Variants in NLGN1 observed in about 807,000 individuals in gnomAD.
NLGN1 encodes the protein neuroligin-1.
A neutral mutation model predicts 65.5 loss-of-function variants in NLGN1; 12 were observed. That is an observed-to-expected ratio of 0.18 (90% CI 0.12 to 0.30). NLGN1 has a LOEUF of 0.30. Among genes scored for constraint, NLGN1 ranks in the 10% least tolerant of loss-of-function variants. The pLI is 1.00. For missense variants in NLGN1, 750 were observed against 1,007.1 expected (o/e 0.74, Z 3.46); for synonymous variants, 350 against 359.5 (o/e 0.97, Z 0.30).
intron 4 of NLGN1, among the ~76,000 whole-genome samples, chr3:174,100,003 C>A (rs571634111): frequency 6.6e-6 from 1 of 152,028 alleles, no homozygotes; most frequent in South Asian, 2.1e-4. Flanking sequence ...TGACCCTTGG[C>A]GGCTTGTTGA....
At chr3:173,793,419 C>G (rs1354267077) in intron 3 of NLGN1, among the ~76,000 whole-genome samples, 3 of 151,988 alleles carry the variant, frequency 2.0e-5, no homozygotes, top group Admixed American at 6.6e-5. Context: ...AAAGCAAGAC[C>G]TATGCTGGAG....
At chr3:173,991,328 A>T (rs1019787903) in intron 4 of NLGN1, among the ~76,000 whole-genome samples, 1 of 152,292 alleles carries the variant, frequency 6.6e-6, no homozygotes, top group South Asian at 2.1e-4. Flanking sequence ...TATGACTTTT[A>T]TACCTTTTAG....
chr3:173,567,882 A>G (rs1361067046), intron 2 of NLGN1, among the ~76,000 whole-genome samples: 1 of 152,112 alleles, frequency 6.6e-6, no homozygotes, highest in Non-Finnish European at 1.5e-5. Flanking sequence ...GAAATCTCTT[A>G]TTGAACATCA....
At chr3:174,069,829 C>T (rs1043633569) in intron 4 of NLGN1, among the ~76,000 whole-genome samples, 6 of 152,160 alleles carry the variant, frequency 3.9e-5, no homozygotes, top group Admixed American at 2.0e-4. Context: ...AGCATAGGCT[C>T]GGAGTCAGAA....
At chr3:173,469,658 T>G (rs988454170) in intron 2 of NLGN1, among the ~76,000 whole-genome samples, 1 of 151,498 alleles carries the variant, frequency 6.6e-6, no homozygotes, top group African/African-American at 2.4e-5. Context: ...AAAAAATGCA[T>G]TCACAATGGT....
At chr3:173,590,570 A>G (rs1748310472) in intron 2 of NLGN1, among the ~76,000 whole-genome samples, 1 of 152,168 alleles carries the variant, frequency 6.6e-6, no homozygotes, top group South Asian at 2.1e-4. Flanking sequence ...AGTACCTGGT[A>G]CATAACTGGA....
chr3:173,767,597 G>A (rs1468113103), intron 3 of NLGN1, among the ~76,000 whole-genome samples: 1 of 151,928 alleles, frequency 6.6e-6, no homozygotes, highest in South Asian at 2.1e-4. Context: ...CACGACAAAT[G>A]TATTCTTTGG....
At chr3:174,121,650 A>T (rs1204896564) in intron 4 of NLGN1, among the ~76,000 whole-genome samples, 1 of 152,210 alleles carries the variant, frequency 6.6e-6, no homozygotes, top group Non-Finnish European at 1.5e-5. Flanking sequence ...TCACTTCTGG[A>T]TGCTTGAATA....
intron 1 of NLGN1, among the ~76,000 whole-genome samples, chr3:173,400,475 A>C (rs1161669700): frequency 6.6e-6 from 1 of 152,086 alleles, no homozygotes; most frequent in African/African-American, 2.4e-5. Context: ...ATTTTCCCCA[A>C]CACTACATAC....
chr3:173,528,679 T>C (rs1736054071), intron 2 of NLGN1, among the ~76,000 whole-genome samples: 1 of 152,228 alleles, frequency 6.6e-6, no homozygotes, highest in African/African-American at 2.4e-5. Context: ...TGGGTTAATT[T>C]GAAAGACCAA....
chr3:173,660,069 TGTG>T (rs1164089793), intron 3 of NLGN1, among the ~76,000 whole-genome samples: 3 of 150,216 alleles, frequency 2.0e-5, no homozygotes, highest in Non-Finnish European at 3.0e-5. Flanking sequence ...TGAGAGAAAA[TGTG>T]GTACATGTTC....
At position 174,281,616 on chromosome 3, in the gene NLGN1, T is replaced by A. The variant is rs1751548614; in HGVS notation, c.*313T>A. 1.2e-5 allele frequency: 3 copies of A among 248,524 alleles called. No individual in the cohort carries two copies. In the East Asian group the frequency reaches 2.4e-4, roughly 19 times the overall value. The allele number at this position is 248,524 out of a possible 1,614,324, so 15.4% of individuals were successfully genotyped here. On this transcript the variant is annotated 3_prime_UTR_variant, in exon 7 of 7. Transcript: ENST00000457714. ...TGGAACACCAAACAGGAAAGAACTA[T>A]GTCTGAAATATAAAAAATAAAAATA...
intron 3 of NLGN1, among the ~76,000 whole-genome samples, chr3:173,782,960 T>C (rs559929341): frequency 1.3e-5 from 2 of 151,936 alleles, no homozygotes; most frequent in South Asian, 4.2e-4. Context: ...AAAAAAGTAA[T>C]GTGCAAAACA....
chr3:173,502,573 A>C (rs1276944001), intron 2 of NLGN1, among the ~76,000 whole-genome samples: 1 of 152,134 alleles, frequency 6.6e-6, no homozygotes, highest in Non-Finnish European at 1.5e-5. Context: ...ATGTGTGTGC[A>C]CGTATGTGTG....
At chr3:173,946,944 A>C (rs1171174658) in intron 4 of NLGN1, among the ~76,000 whole-genome samples, 1 of 152,296 alleles carries the variant, frequency 6.6e-6, no homozygotes, top group East Asian at 1.9e-4. Flanking sequence ...GGTCCTCCAC[A>C]ATGCTTCACC....
intron 4 of NLGN1, among the ~76,000 whole-genome samples, chr3:173,833,455 A>AG (rs1722990452): frequency 6.6e-6 from 1 of 152,016 alleles, no homozygotes; most frequent in South Asian, 2.1e-4. Flanking sequence ...AAAAAAAATT[A>AG]GTTTTTTTTG....
At chr3:173,837,140 T>A (rs568891776) in intron 4 of NLGN1, among the ~76,000 whole-genome samples, 1 of 152,176 alleles carries the variant, frequency 6.6e-6, no homozygotes, top group African/African-American at 2.4e-5. Context: ...AATTTTCTTC[T>A]TTTTCCCCAA....
chr3:173,935,618 ACACACTCTCTCT>A (rs1278248353), intron 4 of NLGN1, among the ~76,000 whole-genome samples: 1 of 117,024 alleles, frequency 8.5e-6, no homozygotes. Context: ...ACACACACAC[ACACACTCTCTCT>A]CTCTCTCTCT....
At chr3:173,539,739 T>C (rs199991686) in intron 2 of NLGN1, among the ~76,000 whole-genome samples, 1 of 128,734 alleles carries the variant, frequency 7.8e-6, no homozygotes, top group African/African-American at 2.9e-5. Flanking sequence ...TATATACATA[T>C]ATGTACATAT....
Sources: allele counts gnomAD v4.1 joint callset (sites outside exome capture counted in the v4.1 genomes callset), GRCh38; gene constraint gnomAD v4.1.1; transcripts MANE v1.5; gene names NCBI Gene and HGNC (gene_info 2026-07-23, HGNC 2026-07-21).